CDKAL1: variants seen among roughly 807,000 people sequenced by gnomAD.
CDKAL1 encodes CDKAL1 threonylcarbamoyladenosine tRNA methylthiotransferase, also known as threonylcarbamoyladenosine tRNA methylthiotransferase.
CDKAL1 carries 32 observed loss-of-function variants against 68.2 expected under a neutral mutation model. That is an observed-to-expected ratio of 0.47 (90% confidence interval 0.35 to 0.63). CDKAL1 has a LOEUF of 0.63. Among genes scored for constraint, CDKAL1 ranks in the 30% least tolerant of loss-of-function variants. The probability of loss-of-function intolerance (pLI) is 0.00; values close to 1 mark genes in which losing one functional copy is unlikely to be tolerated. For missense variants in CDKAL1, 606 were observed against 696.7 expected (o/e 0.87, Z 1.47); for synonymous variants, 234 against 244.3 (o/e 0.96, Z 0.39).
chr6:20,747,201 ATTAC>A (rs1388892372), intron 6 of CDKAL1, among the ~76,000 whole-genome samples: 1 of 152,168 alleles, frequency 6.6e-6, no homozygotes, highest in Non-Finnish European at 1.5e-5. Context: ...ATAATATTCC[ATTAC>A]TTAAATATAC....
intron 6 of CDKAL1, among the ~76,000 whole-genome samples, chr6:20,750,713 C>G (rs1773878696): frequency 6.6e-6 from 1 of 152,102 alleles, no homozygotes; most frequent in South Asian, 2.1e-4. Context: ...CCTGTAATCC[C>G]AGCACTTTGG....
At chr6:20,809,402 C>T (rs1244315380) in intron 8 of CDKAL1, among the ~76,000 whole-genome samples, 2 of 152,140 alleles carry the variant, frequency 1.3e-5, no homozygotes, top group Admixed American at 6.5e-5. Flanking sequence ...AGAAGTACAA[C>T]AAGCTGATTA....
At chr6:20,738,573 C>G (rs559697488) in intron 5 of CDKAL1, among the ~76,000 whole-genome samples, 1 of 150,622 alleles carries the variant, frequency 6.6e-6, no homozygotes, top group South Asian at 2.1e-4. Flanking sequence ...GTGGTGCTCA[C>G]CACAACCTTG....
chr6:21,072,554 CAAAA>C (rs71540611), intron 12 of CDKAL1, among the ~76,000 whole-genome samples: 20 of 44,486 alleles, frequency 4.5e-4, no homozygotes, highest in East Asian at 7.8e-4. Flanking sequence ...GACTCCGTCT[CAAAA>C]AAAAAAAAAA....
intron 7 of CDKAL1, among the ~76,000 whole-genome samples, chr6:20,769,386 G>A (rs34801493): frequency 0.4 from 59,892 of 150,720 alleles, 12,116 homozygotes; most frequent in Non-Finnish European, 0.43. Flanking sequence ...AGCCTCCCAA[G>A]TAGCTGGGAT....
rs974208504 is a variant in CDKAL1, at chr6:21,090,380, C to T, written c.1237-18021C>T. 1.4e-4 allele frequency among the ~76,000 whole-genome samples: 21 copies of T among 152,310 alleles called. No homozygotes were observed. In the East Asian group the frequency reaches 3.7e-3, roughly 27 times the overall value. ...GAGCCAACTGGGCCAAAAGGGTAAG[C>T]ACAACTTCAACACATTTGATTGCTT... is the stretch of plus-strand genomic sequence containing the variant. On this transcript the variant is annotated intron_variant, in intron 12 of 15. Coordinates refer to ENST00000274695, the MANE Select transcript of CDKAL1 (RefSeq NM_017774.3).
chr6:20,827,277 G>C (rs1777539758), intron 8 of CDKAL1, among the ~76,000 whole-genome samples: 2 of 152,094 alleles, frequency 1.3e-5, no homozygotes, highest in Admixed American at 6.6e-5. Context: ...GTAAAATGAG[G>C]AATAGTAGTA....
chr6:21,077,460 T>C (rs1772133876), intron 12 of CDKAL1, among the ~76,000 whole-genome samples: 1 of 152,232 alleles, frequency 6.6e-6, no homozygotes, highest in Non-Finnish European at 1.5e-5. Flanking sequence ...AAGAACTACC[T>C]GAGACTGGGT....
rs1005749238 is a variant in CDKAL1 at position 20,677,695 on chromosome 6, T to G, written c.371+28318T>G. On this transcript the variant is annotated intron_variant, in intron 5 of 15. Transcript: ENST00000274695. The stretch of plus-strand genomic sequence containing the variant: ...CCTCCCAAAGTGCTGGGATTACAGG[T>G]GTGAGCCCCCATGCATGGCGAGAGC... 4.6e-5 allele frequency among the ~76,000 whole-genome samples: 7 copies of G among 152,270 alleles called. No homozygotes were observed. In the East Asian group the frequency reaches 1.4e-3, roughly 29 times the overall value.
chr6:20,546,900 C>G (rs1435979237), intron 3 of CDKAL1, among the ~76,000 whole-genome samples: 1 of 152,096 alleles, frequency 6.6e-6, no homozygotes, highest in African/African-American at 2.4e-5. Context: ...CGCTACTGGT[C>G]TGTGTGATAT....
intron 8 of CDKAL1, among the ~76,000 whole-genome samples, chr6:20,843,965 C>T (rs924306717): frequency 8.6e-5 from 13 of 151,978 alleles, no homozygotes; most frequent in African/African-American, 3.1e-4. Context: ...TTGACTGGGC[C>T]ATGGAGACAC....
At chr6:21,105,824 A>T (rs1773818636) in intron 12 of CDKAL1, among the ~76,000 whole-genome samples, 1 of 152,196 alleles carries the variant, frequency 6.6e-6, no homozygotes, top group African/African-American at 2.4e-5. Flanking sequence ...GAATTTTAAG[A>T]TGTGGTCGTG....
chr6:20,775,793 G>A (rs1364197042), intron 7 of CDKAL1, among the ~76,000 whole-genome samples: 2 of 152,074 alleles, frequency 1.3e-5, no homozygotes, highest in South Asian at 2.1e-4. Flanking sequence ...ATGGATTTAA[G>A]GAATTAATTT....
intron 4 of CDKAL1, among the ~76,000 whole-genome samples, chr6:20,568,481 TC>T (rs1764552784): frequency 6.6e-6 from 1 of 151,726 alleles, no homozygotes. Context: ...ACGCCTGTAA[TC>T]CCAGCACTTT....
chr6:20,700,896 G>GA (rs1771321453), intron 5 of CDKAL1, among the ~76,000 whole-genome samples: 1 of 141,030 alleles, frequency 7.1e-6, no homozygotes, highest in African/African-American at 2.6e-5. Flanking sequence ...AGGTTTTTGG[G>GA]TTTTTTTTTT....
Position 20,931,503 on chromosome 6 carries a change from A to G in CDKAL1, c.743-23916A>G, listed in dbSNP as rs529465453. ...CTGGTGCTGAATAAGAACTACTTGA[A>G]CAAGCTACACAAAAGGATTAAAGCG... On this transcript the variant is annotated intron_variant, in intron 9 of 15. Transcript: ENST00000274695. Among the ~76,000 whole-genome samples, 11 of 152,310 alleles carry G rather than the reference A, an allele frequency of 7.2e-5. 1 individual carries two copies. Among genetic ancestry groups the G allele is most frequent in the African/African-American group, 2.2e-4 (9 of 41,572 alleles).
intron 9 of CDKAL1, among the ~76,000 whole-genome samples, chr6:20,911,973 G>T (rs1046520129): frequency 2.0e-5 from 3 of 152,150 alleles, no homozygotes; most frequent in Non-Finnish European, 4.4e-5. Context: ...TTCTGTGAAT[G>T]AGAGATCAAA....
intron 13 of CDKAL1, among the ~76,000 whole-genome samples, chr6:21,167,565 A>C (rs962178768): frequency 6.6e-6 from 1 of 152,206 alleles, no homozygotes; most frequent in Non-Finnish European, 1.5e-5. Context: ...ACTCTCGTTC[A>C]CATCAAATTG....
chr6:20,759,976 T>C (rs1774393812), intron 7 of CDKAL1, among the ~76,000 whole-genome samples: 1 of 152,158 alleles, frequency 6.6e-6, no homozygotes, highest in Admixed American at 6.5e-5. Context: ...AATGCTGCAC[T>C]TTTCCTTCTG....
Sources: allele counts gnomAD v4.1 joint callset (sites outside exome capture counted in the v4.1 genomes callset), GRCh38; gene constraint gnomAD v4.1.1; transcripts MANE v1.5; gene names NCBI Gene and HGNC (gene_info 2026-07-23, HGNC 2026-07-21).